PRLR: variants seen among roughly 807,000 people sequenced by gnomAD.
PRLR encodes hPRL receptor.
Under a neutral mutation model 40.2 loss-of-function variants are expected in PRLR, and 13 were observed. The ratio of observed to expected loss-of-function variants is 0.32; its 90% CI spans 0.21 to 0.51. PRLR has a LOEUF of 0.51. Among genes scored for constraint, PRLR ranks in the 20% least tolerant of loss-of-function variants. The pLI, the probability that PRLR is intolerant of heterozygous loss-of-function variation, is 0.97. For missense variants in PRLR, 656 were observed against 747.3 expected (o/e 0.88, Z 1.42); for synonymous variants, 269 against 278.7 (o/e 0.97, Z 0.35).
At chr5:35,154,623 G>C (rs1302332682) in intron 1 of PRLR, among the ~76,000 whole-genome samples, 4 of 152,040 alleles carry the variant, frequency 2.6e-5, no homozygotes, top group Non-Finnish European at 1.5e-5. Context: ...ACTTGACCCA[G>C]CAATTCCCTT....
At chr5:35,150,909 T>A (rs779611434) in intron 1 of PRLR, among the ~76,000 whole-genome samples, 17 of 152,148 alleles carry the variant, frequency 1.1e-4, no homozygotes, top group African/African-American at 1.7e-4. Flanking sequence ...GCAGCTGCAT[T>A]CCCTCCAGGA....
intron 5 of PRLR, chr5:35,081,323 G>C (rs2112443155): frequency 5.1e-6 from 1 of 196,962 alleles, no homozygotes; most frequent in East Asian, 1.5e-4. Context: ...AACATGATCT[G>C]TGCATCTGTT....
intron 1 of PRLR, among the ~76,000 whole-genome samples, chr5:35,129,184 A>G (rs1773571071): frequency 6.6e-6 from 1 of 152,230 alleles, no homozygotes; most frequent in Admixed American, 6.5e-5. Flanking sequence ...TGTGCACTAC[A>G]GTAGGAGTGA....
chr5:35,129,767 TC>T (rs1579708314), intron 1 of PRLR, among the ~76,000 whole-genome samples: 1 of 152,006 alleles, frequency 6.6e-6, no homozygotes, highest in East Asian at 1.9e-4. Flanking sequence ...GTAACTTTAC[TC>T]CTTCCCACTT....
At chr5:35,153,350 C>T (rs1387982110) in intron 1 of PRLR, among the ~76,000 whole-genome samples, 2 of 152,104 alleles carry the variant, frequency 1.3e-5, no homozygotes, top group African/African-American at 4.8e-5. Flanking sequence ...TCATGTTGCC[C>T]CCCAGGCCAA....
intron 1 of PRLR, among the ~76,000 whole-genome samples, chr5:35,142,556 T>C (rs1052055097): frequency 7.9e-5 from 12 of 152,208 alleles, no homozygotes; most frequent in South Asian, 6.2e-4. Context: ...AAGCACCAAT[T>C]ATCTACCCAA....
At chr5:35,140,056 C>G (rs1018816599) in intron 1 of PRLR, among the ~76,000 whole-genome samples, 1 of 152,140 alleles carries the variant, frequency 6.6e-6, no homozygotes, top group Non-Finnish European at 1.5e-5. Flanking sequence ...CAATTGACCT[C>G]AAGCTTTTAA....
At chr5:35,228,319 T>A (rs1039065131) in intron 1 of PRLR, among the ~76,000 whole-genome samples, 3 of 150,550 alleles carry the variant, frequency 2.0e-5, no homozygotes, top group African/African-American at 7.3e-5. Flanking sequence ...GCTTGCTCAG[T>A]GTGGGAGTCA....
At chr5:35,050,937 G>A (rs770070975), downstream of PRLR, among the ~76,000 whole-genome samples, 31 of 152,208 alleles carry the variant, frequency 2.0e-4, no homozygotes, top group Non-Finnish European at 3.7e-4. Flanking sequence ...TGTGCAGAGT[G>A]TTCAGACTGA....
chr5:35,227,485 T>G (rs577827764), intron 1 of PRLR, among the ~76,000 whole-genome samples: 1 of 152,350 alleles, frequency 6.6e-6, no homozygotes, highest in East Asian at 1.9e-4. Flanking sequence ...CTCTGCAATC[T>G]TGCTATGAGA....
chr5:35,072,528 C>T, intron 6 of PRLR, 47 bp downstream of exon 6: 2 of 1,573,926 alleles, frequency 1.3e-6, no homozygotes, highest in Non-Finnish European at 1.7e-6. Context: ...AGGGCTTTAT[C>T]CTTGCCAAAG....
At chr5:35,183,811 G>A (rs7731864) in intron 1 of PRLR, among the ~76,000 whole-genome samples, 1 of 152,208 alleles carries the variant, frequency 6.6e-6, no homozygotes, top group Non-Finnish European at 1.5e-5. Context: ...AAACCTCAGG[G>A]TTATAGACTG....
At chr5:35,187,384 G>A (rs1775473705) in intron 1 of PRLR, among the ~76,000 whole-genome samples, 1 of 151,002 alleles carries the variant, frequency 6.6e-6, no homozygotes, top group Admixed American at 6.6e-5. Flanking sequence ...CTGGGTGACA[G>A]AGAGAAACTC....
intron 1 of PRLR, among the ~76,000 whole-genome samples, chr5:35,151,400 C>T (rs369704846): frequency 1.3e-5 from 2 of 152,136 alleles, no homozygotes; most frequent in African/African-American, 2.4e-5. Flanking sequence ...GAAATAAACC[C>T]TTGTTGTAAG....
intron 1 of PRLR, among the ~76,000 whole-genome samples, chr5:35,178,059 A>G (rs1775195259): frequency 6.6e-6 from 1 of 151,848 alleles, no homozygotes; most frequent in East Asian, 1.9e-4. Flanking sequence ...GCATTTCCCT[A>G]ATTAGTAATG....
intron 1 of PRLR, among the ~76,000 whole-genome samples, chr5:35,127,135 G>T (rs1773498068): frequency 6.6e-6 from 1 of 152,156 alleles, no homozygotes; most frequent in African/African-American, 2.4e-5. Context: ...TAAGCCAGAA[G>T]CTGTGAAGGG....
chr5:35,081,574 A>G (rs970225696), intron 5 of PRLR: 4 of 154,052 alleles, frequency 2.6e-5, no homozygotes, highest in Admixed American at 1.3e-4. Context: ...GGTCCAACAT[A>G]GTCTTTCACC....
chr5:35,154,476 T>C (rs1774429327), intron 1 of PRLR, among the ~76,000 whole-genome samples: 1 of 152,172 alleles, frequency 6.6e-6, no homozygotes, highest in Admixed American at 6.5e-5. Context: ...TCCTTCATAT[T>C]TGAAGAAATA....
In PRLR at chr5:35,122,886, C is replaced by A. The variant is rs141989303; in HGVS notation, c.-105-4764G>T. On this transcript the variant is annotated intron_variant, in intron 1 of 9. Transcript: ENST00000618457. ...GAGTGGAGGAACCAAAGGGGAATTA[C>A]AAAATCTTGATTGAGATTGAGATGG... Among the ~76,000 whole-genome samples the A allele has an allele frequency of 4.4e-3, 677 of 152,190 alleles. 6 individuals are homozygous for A. Among genetic ancestry groups the A allele is most frequent in the African/African-American group, 0.016 (650 of 41,510 alleles).
Sources: allele counts gnomAD v4.1 joint callset (sites outside exome capture counted in the v4.1 genomes callset), GRCh38; gene constraint gnomAD v4.1.1; transcripts MANE v1.5; gene names NCBI Gene and HGNC (gene_info 2026-07-23, HGNC 2026-07-21).